Variants in TCAF1 observed in about 807,000 individuals in gnomAD.
TCAF1 encodes TRPM8 channel associated factor 1.
In TCAF1, 4 loss-of-function variants were observed where a neutral mutation model predicts 27.3. The ratio of observed to expected loss-of-function variants is 0.15; its 90% CI spans 0.07 to 0.34. The LOEUF (loss-of-function observed/expected upper bound fraction) is 0.34. TCAF1 is among the 10% of genes least tolerant of loss of function. The pLI is 1.00. For synonymous variants in TCAF1, 105 were observed against 167.1 expected, an observed-to-expected ratio of 0.63 and a Z score of 2.87; for missense variants, 257 against 425.8, an observed-to-expected ratio of 0.60 and a Z score of 3.49.
chr7:143,898,954 T>G (rs1221651627), intron 1 of TCAF1, among the ~76,000 whole-genome samples: 4 of 152,196 alleles, frequency 2.6e-5, no homozygotes, highest in Admixed American at 2.6e-4. Context: ...TCTTTCAGCC[T>G]TTCTCTGCCT....
At chr7:143,882,147 G>A (rs1245681008) in intron 1 of TCAF1, 2 of 152,286 alleles carry the variant, frequency 1.3e-5, no homozygotes, top group East Asian at 1.9e-4. Flanking sequence ...GGGCTGGGGA[G>A]TGGGGGGCAG....
Position 143,876,497 on chromosome 7 carries a change from G to T in TCAF1, c.112C>A (p.Pro38Thr). 1 of 1,588,088 alleles carries T rather than the reference G, an allele frequency of 6.3e-7. No individual in the cohort carries two copies. ...ELLLIGEASF[P>T]VMVNDMGQVL... Reference sequence around the variant, plus strand: ...TGGCCCATGTCATTCACCATCACAGGAAATGAAGCCTCTCCAATAAGAAGC... The same window carrying T: ...TGGCCCATGTCATTCACCATCACAGTAAATGAAGCCTCTCCAATAAGAAGC... The change falls in exon 2 of 9, where the codon CCT becomes ACT. Residue 38 changes from proline (P) to threonine (T), a missense_variant. By Grantham distance (38) the Pro-to-Thr change is conservative (BLOSUM62 -1). This residue lies in a region of TCAF1 where 255 missense variants were observed against 260.1 expected (regional missense o/e 0.98). Transcript: ENST00000479870.
chr7:143,890,943 G>A (rs998352898), intron 1 of TCAF1, among the ~76,000 whole-genome samples: 18 of 152,184 alleles, frequency 1.2e-4, no homozygotes, highest in African/African-American at 4.1e-4. Context: ...ATTGTTCTGA[G>A]AAAAGCAATG....
rs773260963 is a variant in TCAF1 at position 143,876,353 on chromosome 7, A to G, written c.256T>C (p.Ser86Pro). The change falls in exon 2 of 9, where the codon TCT becomes CCT. Residue 86 changes from serine (S) to proline (P), a missense_variant. By Grantham distance (74) the Ser-to-Pro change is moderately conservative. Around this residue, in one of 2 missense-constraint regions of TCAF1, gnomAD observed 255 missense variants for 260.1 expected, o/e 0.98. Transcript: ENST00000479870. ...ACACCAATGGGAGCCCCAGGGGAAGAGCAAAGCCACCCCACTGCGTTCAGG... is the reference window on the plus strand; with the variant it reads ...ACACCAATGGGAGCCCCAGGGGAAGGGCAAAGCCACCCCACTGCGTTCAGG... ...FLLNAVGWLC[S>P]SPGAPIGVHP... is the part of the protein sequence containing the mutation. 6.8e-6 allele frequency: 11 copies of G among 1,614,056 alleles called. No homozygotes were observed. The highest frequency in any genetic ancestry group is 2.7e-5 in the African/African-American group (2 of 74,932).
chr7:143,890,525 A>T (rs941031950), intron 1 of TCAF1, among the ~76,000 whole-genome samples: 1 of 152,252 alleles, frequency 6.6e-6, no homozygotes, highest in Non-Finnish European at 1.5e-5. Flanking sequence ...AAACAATAAT[A>T]AAAGCTCAAC....
intron 1 of TCAF1, among the ~76,000 whole-genome samples, chr7:143,898,900 G>C (rs1170083396): frequency 6.6e-6 from 1 of 152,134 alleles, no homozygotes; most frequent in Non-Finnish European, 1.5e-5. Context: ...CACTGTAGGA[G>C]TGAGTTCATT....
At chr7:143,878,645 A>C (rs1293742604) in intron 1 of TCAF1, among the ~76,000 whole-genome samples, 2 of 152,202 alleles carry the variant, frequency 1.3e-5, no homozygotes, top group East Asian at 1.9e-4. Flanking sequence ...TACCTACCTC[A>C]GGGGACTATT....
At chr7:143,890,914 C>G (rs1361040664) in intron 1 of TCAF1, among the ~76,000 whole-genome samples, 1 of 152,170 alleles carries the variant, frequency 6.6e-6, no homozygotes, top group Non-Finnish European at 1.5e-5. Flanking sequence ...AACAGTTGAG[C>G]AGTCATTTCA....
intron 2 of TCAF1, among the ~76,000 whole-genome samples, chr7:143,875,103 G>A (rs769115301): frequency 1.9e-4 from 29 of 152,198 alleles, no homozygotes; most frequent in East Asian, 3.9e-4. Flanking sequence ...CCATACCTTC[G>A]TAGTACCCTT....
rs956179728 is a variant in TCAF1 at position 143,852,227 on chromosome 7, A to G, written c.*1906T>C. 7.9e-5 allele frequency: 12 copies of G among 151,816 alleles called. No individual in the cohort carries two copies. Among genetic ancestry groups the G allele is most frequent in the Non-Finnish European group, 1.8e-4 (12 of 68,000 alleles). 9.4% of individuals were successfully genotyped at this position (151,816 alleles called of 1,614,324 possible). A position where few individuals can be genotyped will look rare whatever the true frequency, so the allele number is the denominator to read the frequency against. ...ATTTGTCTTTCTTTTTTCTTGACTA[A>G]ATAATCTTCTCAAGCATCCCAGCTC... On this transcript the variant is annotated 3_prime_UTR_variant, in exon 9 of 9. Transcript: ENST00000479870.
At chr7:143,879,809 C>A (rs1320455832) in intron 1 of TCAF1, among the ~76,000 whole-genome samples, 1 of 151,992 alleles carries the variant, frequency 6.6e-6, no homozygotes, top group Non-Finnish European at 1.5e-5. Flanking sequence ...AGCATAAGAC[C>A]CTGTAGCACT....
At position 143,876,176 on chromosome 7, in the gene TCAF1, C is replaced by T. The variant is rs1224077981; in HGVS notation, c.433G>A (p.Gly145Ser). The T allele has an allele frequency of 1.2e-6, 2 of 1,614,122 alleles. No homozygotes were observed. Among genetic ancestry groups the T allele is most frequent in the Non-Finnish European group, 1.7e-6 (2 of 1,180,042 alleles). The change falls in exon 2 of 9, where the codon GGT (glycine) becomes AGT (serine). Residue 145 changes from glycine to serine, a missense_variant. Gly to Ser is a moderately conservative substitution (Grantham distance 56). Transcript: ENST00000479870. ...TEKLVKFMKC[G>S]GGLLIGGQAW... Reference sequence around the variant, plus strand: ...TGTCCTCCTATGAGCAAGCCGCCACCACATTTCATGAACTTGACCAGCTTT... The same window carrying T: ...TGTCCTCCTATGAGCAAGCCGCCACTACATTTCATGAACTTGACCAGCTTT...
intron 1 of TCAF1, among the ~76,000 whole-genome samples, chr7:143,899,397 A>G (rs1400426057): frequency 6.6e-6 from 1 of 152,214 alleles, no homozygotes; most frequent in Non-Finnish European, 1.5e-5. Context: ...CTTAAAACGA[A>G]TTCATGCTTA....
At chr7:143,871,228 A>C (rs4726650) in intron 2 of TCAF1, among the ~76,000 whole-genome samples, 10,306 of 52,444 alleles carry the variant, frequency 0.2, 1,133 homozygotes, top group East Asian at 0.35. Context: ...CAGAAAAGTA[A>C]AAGGTAACCT....
chr7:143,874,680 G>C (rs915231260), intron 2 of TCAF1, among the ~76,000 whole-genome samples: 1 of 152,044 alleles, frequency 6.6e-6, no homozygotes, highest in Non-Finnish European at 1.5e-5. Context: ...AAAGAGAATT[G>C]AAAGGACATG....
intron 1 of TCAF1, among the ~76,000 whole-genome samples, chr7:143,888,690 T>C (rs950479811): frequency 6.6e-6 from 1 of 152,262 alleles, no homozygotes; most frequent in African/African-American, 2.4e-5. Context: ...AAGATGCACA[T>C]GCATATCTTT....
intron 1 of TCAF1, chr7:143,885,167 G>C: frequency 2.5e-5 from 25 of 985,498 alleles, no homozygotes; most frequent in Non-Finnish European, 3.0e-5. Flanking sequence ...CCGTGTGCCC[G>C]GGCCTGGTCT....
chr7:143,892,471 TAAC>T (rs1418658348), intron 1 of TCAF1, among the ~76,000 whole-genome samples: 1 of 147,434 alleles, frequency 6.8e-6, no homozygotes, highest in African/African-American at 2.5e-5. Flanking sequence ...AAAGAGAAAA[TAAC>T]AAAGAAGAAA....
At chr7:143,885,662 A>T in intron 1 of TCAF1, 1 of 531,002 alleles carries the variant, frequency 1.9e-6, no homozygotes, top group African/African-American at 2.1e-5. Context: ...ACTTATATAA[A>T]TCTACTTATA....
Sources: allele counts gnomAD v4.1 joint callset (sites outside exome capture counted in the v4.1 genomes callset), GRCh38; gene constraint gnomAD v4.1.1; regional missense constraint gnomAD v4.1.1; transcripts MANE v1.5; gene names NCBI Gene and HGNC (gene_info 2026-07-23, HGNC 2026-07-21).